GLI3: variants seen among roughly 807,000 people sequenced by gnomAD.
The protein encoded by GLI3 is GLI family zinc finger 3, also known as transcription activator GLI3.
In GLI3, 20 loss-of-function variants were observed where a neutral mutation model predicts 100.8. That is an observed-to-expected ratio of 0.20 (90% CI 0.14 to 0.29). GLI3 has a LOEUF of 0.29. GLI3 is among the 10% of genes least tolerant of loss of function. GLI3 has a pLI of 1.00. For synonymous variants in GLI3, 938 were observed against 860.5 expected, an observed-to-expected ratio of 1.09 and a Z score of -1.58; for missense variants, 2,040 against 2,128.5, an observed-to-expected ratio of 0.96 and a Z score of 0.82.
chr7:42,159,397 T>A (rs1320069448), intron 2 of GLI3, among the ~76,000 whole-genome samples: 1 of 152,172 alleles, frequency 6.6e-6, no homozygotes, highest in African/African-American at 2.4e-5. Context: ...CCCAAGAGTA[T>A]AATCCCTTCC....
chr7:42,226,354 T>G (rs1788581823), intron 1 of GLI3, among the ~76,000 whole-genome samples: 1 of 152,140 alleles, frequency 6.6e-6, no homozygotes, highest in African/African-American at 2.4e-5. Context: ...TTCCCAAAAT[T>G]CCTTGACAAA....
At chr7:41,987,101 G>GACACAGAC (rs1554308382) in intron 10 of GLI3, among the ~76,000 whole-genome samples, 21,299 of 140,622 alleles carry the variant, frequency 0.15, 2,207 homozygotes, top group East Asian at 0.48. Context: ...CACAGACACA[G>GACACAGAC]ACACACACAC....
intron 4 of GLI3, among the ~76,000 whole-genome samples, chr7:42,061,913 A>G (rs1370572898): frequency 6.6e-6 from 1 of 152,158 alleles, no homozygotes; most frequent in Non-Finnish European, 1.5e-5. Context: ...AGCATCATGG[A>G]GGACTGAAAA....
At chr7:42,205,097 C>T (rs901842770) in intron 2 of GLI3, among the ~76,000 whole-genome samples, 8 of 152,300 alleles carry the variant, frequency 5.3e-5, no homozygotes, top group South Asian at 4.1e-4. Flanking sequence ...ACACCTCAGA[C>T]GGTGACACTT....
chr7:42,225,282 C>T (rs1449534229), intron 1 of GLI3, among the ~76,000 whole-genome samples: 3 of 152,180 alleles, frequency 2.0e-5, no homozygotes, highest in African/African-American at 4.8e-5. Flanking sequence ...GGATGGCACC[C>T]GGAACCTCAA....
At chr7:42,040,378 T>G (rs971858921) in intron 6 of GLI3, 139 bp from the exon 7 acceptor site, 9 of 711,410 alleles carry the variant, frequency 1.3e-5, no homozygotes, top group African/African-American at 1.2e-4. Context: ...CTCCCCCATG[T>G]GATCTACTAG....
At chr7:41,987,209 C>T (rs1046005436) in intron 10 of GLI3, among the ~76,000 whole-genome samples, 1 of 151,998 alleles carries the variant, frequency 6.6e-6, no homozygotes, top group Non-Finnish European at 1.5e-5. Flanking sequence ...TGCTCTGTTG[C>T]CCAGGCTGGA....
chr7:41,966,475 C>T lies in GLI3; in HGVS notation c.2598G>A (p.Gly866=). 6.2e-7 allele frequency: 1 copy of T among 1,613,282 alleles called. No individual in the cohort carries two copies. Among genetic ancestry groups the T allele is most frequent in the Non-Finnish European group, 8.5e-7 (1 of 1,179,876 alleles). ...SAYLSSRRSS[G]ISPCFSSRRS... Reference sequence around the variant, plus strand: ...GGCGGCTGGAGAAGCAGGGCGAGATCCCTGAGGAGCGGCGGCTGCTCAGGT... The same window carrying T: ...GGCGGCTGGAGAAGCAGGGCGAGATTCCTGAGGAGCGGCGGCTGCTCAGGT... The change falls in exon 15 of 15, where the codon GGG becomes GGA. Residue 866 remains glycine (G), a synonymous_variant. Coordinates refer to ENST00000395925, the MANE Select transcript of GLI3 (RefSeq NM_000168.6). This position sits in a 1 kb window ranked among gnomAD's most constrained non-coding sequence, Gnocchi z 5.8.
chr7:42,154,286 G>A (rs3801207), intron 2 of GLI3, among the ~76,000 whole-genome samples: 41,486 of 151,674 alleles, frequency 0.27, 5,774 homozygotes, highest in African/African-American at 0.29. Context: ...CCTACCACGC[G>A]CAAAGATACA....
At chr7:42,212,939 C>T (rs1162026080) in intron 2 of GLI3, among the ~76,000 whole-genome samples, 3 of 152,168 alleles carry the variant, frequency 2.0e-5, no homozygotes, top group Admixed American at 1.3e-4. Context: ...ACCTAATTCC[C>T]GTCTCATCTT....
chr7:42,169,483 C>T (rs539193349), intron 2 of GLI3, among the ~76,000 whole-genome samples: 1 of 152,264 alleles, frequency 6.6e-6, no homozygotes, highest in African/African-American at 2.4e-5. Flanking sequence ...TAATAAGGAG[C>T]ATGCACTGTT....
In GLI3 at chr7:41,966,118, G is replaced by A; in HGVS notation, c.2955C>T (p.His985=). 3 of 1,579,864 alleles carry A rather than the reference G, an allele frequency of 1.9e-6. No homozygotes were observed. ...APRRCSDGGA[H]GYGRRHLQPH... ...GCTGCAGGTGGCGCCGCCCGTAGCC[G>A]TGGGCTCCCCCGTCGCTGCACCTCC... The change falls in exon 15 of 15, where the codon CAC becomes CAT. Residue 985 remains histidine (H), a synonymous_variant. Transcript: ENST00000395925. The surrounding 1 kb of genome is among the most constrained non-coding windows in gnomAD (Gnocchi z 5.8).
Position 42,148,248 on chromosome 7 carries a change from A to G in GLI3, c.345T>C (p.Asn115=). The change falls in exon 3 of 15, where the codon AAT becomes AAC. Residue 115 remains asparagine (N), a synonymous_variant. Transcript: ENST00000395925. ...TACGGTAGTGGGGCTCCATGTAACCATTCCTGGGGTCCATGGCAAACACCG... is the reference window on the plus strand; with the variant it reads ...TACGGTAGTGGGGCTCCATGTAACCGTTCCTGGGGTCCATGGCAAACACCG... ...RGTVFAMDPR[N]GYMEPHYHPP... 23 of 1,611,918 alleles carry G rather than the reference A, an allele frequency of 1.4e-5. No individual in the cohort carries two copies. The highest frequency in any genetic ancestry group is 2.0e-5 in the Non-Finnish European group (23 of 1,179,032).
At chr7:42,227,940 T>C (rs959961037) in intron 1 of GLI3, among the ~76,000 whole-genome samples, 26 of 152,238 alleles carry the variant, frequency 1.7e-4, no homozygotes, top group African/African-American at 6.0e-4. Context: ...CAATTTTGTT[T>C]GAAAGCTCGC....
chr7:42,168,313 G>A (rs117544509), intron 2 of GLI3, among the ~76,000 whole-genome samples: 199 of 152,246 alleles, frequency 1.3e-3, no homozygotes, highest in South Asian at 2.5e-3. Context: ...GAGATGTTAG[G>A]GGAGAGGAGA....
chr7:42,075,048 A>G (rs1408455533), intron 4 of GLI3, among the ~76,000 whole-genome samples: 2 of 152,132 alleles, frequency 1.3e-5, no homozygotes, highest in Non-Finnish European at 2.9e-5. Context: ...CCACGGGCCA[A>G]TGCAGGTCAG....
intron 2 of GLI3, among the ~76,000 whole-genome samples, chr7:42,149,468 C>T (rs1335288062): frequency 5.9e-5 from 9 of 152,182 alleles, no homozygotes; most frequent in Non-Finnish European, 1.0e-4. Flanking sequence ...AATTAAATCA[C>T]ACTGCCTATG....
At position 41,967,782 on chromosome 7, in the gene GLI3, T is replaced by C. The variant is rs140048578; in HGVS notation, c.2245A>G (p.Ile749Val). 1,301 of 1,613,998 alleles carry C rather than the reference T, an allele frequency of 8.1e-4. 4 individuals carry two copies. The highest frequency in any genetic ancestry group is 1.0e-3 in the Non-Finnish European group (1,175 of 1,180,012). ...GCAGTGGAAATGGTTGAGTCCATGA[T>C]TGGGGTTTCATCGATGGCACTGAGG... ...GDLSAIDETP[I>V]MDSTISTATT... Residue 749 changes from isoleucine to valine, a missense_variant, in exon 14 of 15, where the codon ATC becomes GTC. Physicochemically the swap from Ile to Val is conservative, Grantham distance 29. Transcript: ENST00000395925.
intron 2 of GLI3, among the ~76,000 whole-genome samples, chr7:42,198,929 CT>C (rs34261962): frequency 0.018 from 2,565 of 145,982 alleles, 53 homozygotes; most frequent in East Asian, 0.12. Context: ...GAAAAAGTTT[CT>C]TTTTTTTTTT....
Sources: gnomAD v4.1 joint callset for allele counts (sites outside exome capture counted in the v4.1 genomes callset) on GRCh38, gnomAD v4.1.1 for gene constraint, Gnocchi (gnomAD v3.1) non-coding constraint, MANE v1.5 for transcripts, NCBI Gene and HGNC (gene_info 2026-07-23, HGNC 2026-07-21) for gene names.